SLITRK2: variants seen among roughly 807,000 people sequenced by gnomAD.
SLITRK2 encodes the protein SLIT and NTRK like family member 2, also known as SLIT and NTRK-like protein 2.
SLITRK2 carries 13 observed loss-of-function variants against 35.4 expected under a neutral mutation model. That is an observed-to-expected ratio of 0.37 (90% CI 0.24 to 0.58). SLITRK2 has a LOEUF of 0.58. Ranked by LOEUF, SLITRK2 falls within the 20% of genes least tolerant of loss-of-function variation. The pLI is 0.75. For missense variants in SLITRK2, 471 were observed against 634.3 expected, an observed-to-expected ratio of 0.74 and a Z score of 2.76; for synonymous variants, 294 against 264.7, an observed-to-expected ratio of 1.11 and a Z score of -1.07.
Position 145,829,843 on chromosome X carries a change from A to G in SLITRK2, c.*4880A>G, listed in dbSNP as rs951011746. 1 of 123,442 alleles carries G rather than the reference A, an allele frequency of 8.1e-6. No homozygotes were observed. The highest frequency in any genetic ancestry group is 1.9e-5 in the Non-Finnish European group (1 of 53,316). The allele number at this position is 123,442 out of a possible 1,213,427, so 10.2% of individuals were successfully genotyped here. A position where few individuals can be genotyped will look rare whatever the true frequency, so the allele number is the denominator to read the frequency against. Reference sequence around the variant, plus strand: ...ATAGACTTCTGTGCCTAATAGTGACATTGTTTCAAAAAATAAATGTCATAT... The same window carrying G: ...ATAGACTTCTGTGCCTAATAGTGACGTTGTTTCAAAAAATAAATGTCATAT... On this transcript the variant is annotated 3_prime_UTR_variant, in exon 5 of 5. Coordinates refer to ENST00000335565, the MANE Select transcript of SLITRK2 (RefSeq NM_032539.5).
rs1415433811 is a variant in SLITRK2, at chrX:145,823,976, G to A, written c.1551G>A (p.Gln517=). Residue 517 remains glutamine (Q), a synonymous_variant, in exon 5 of 5, where the codon CAG becomes CAA. Transcript: ENST00000335565. ...TGCCCGTGAAAGGGGTTCTGGATCAGCTCCCGGCTTTCATCCAGATAGATC... is the reference window on the plus strand; with the variant it reads ...TGCCCGTGAAAGGGGTTCTGGATCAACTCCCGGCTTTCATCCAGATAGATC... ...SHLPVKGVLD[Q]LPAFIQIDLQ... 2 of 1,208,983 alleles carry A rather than the reference G, an allele frequency of 1.7e-6. No homozygotes were observed. The highest frequency in any genetic ancestry group is 3.5e-5 in the African/African-American group (2 of 57,069).
rs782079032 is a variant in SLITRK2 at position 145,824,958 on chromosome X, C to T, written c.2533C>T (p.Leu845=). 1 of 1,204,778 alleles carries T rather than the reference C, an allele frequency of 8.3e-7. No homozygotes were observed. Among genetic ancestry groups the T allele is most frequent in the Non-Finnish European group, 1.1e-6 (1 of 892,779 alleles). The change falls in exon 5 of 5, where the codon CTG becomes TTG. Residue 845 remains leucine, a synonymous_variant. Coordinates refer to ENST00000335565, the MANE Select transcript of SLITRK2 (RefSeq NM_032539.5). ...GGAAAAACAAACTGCAATCAGTCAGCTGTGAAGGGAAATCATTTACAACCC... is the reference window on the plus strand; with the variant it reads ...GGAAAAACAAACTGCAATCAGTCAGTTGTGAAGGGAAATCATTTACAACCC... ...VLEKQTAISQ[L] is the part of the protein sequence containing the mutation.
rs913316514 is a variant in SLITRK2 at position 145,826,093 on chromosome X, C to T, written c.*1130C>T. The T allele has an allele frequency of 4.5e-5, 5 of 111,534 alleles. No individual in the cohort carries two copies. The highest frequency in any genetic ancestry group is 1.6e-4 in the African/African-American group (5 of 30,713). 9.2% of individuals were successfully genotyped at this position (111,534 alleles called of 1,213,427 possible). On this transcript the variant is annotated 3_prime_UTR_variant, in exon 5 of 5. Coordinates refer to ENST00000335565, the MANE Select transcript of SLITRK2 (RefSeq NM_032539.5). ...ACACACACCAGTAGAGGCCGCCACA[C>T]ACCTCATTTAACAAAGACATATGAG...
Position 145,823,112 on chromosome X carries a change from C to T in SLITRK2, c.687C>T (p.Ala229=), listed in dbSNP as rs141597700. The change falls in exon 5 of 5, where the codon GCC becomes GCT. Residue 229 remains alanine, a synonymous_variant. Transcript: ENST00000335565. The part of the protein sequence containing the change: ...NCTCDLLPLK[A]WLDTITVFVG... ...CTTGTGACTTACTTCCTCTCAAGGC[C>T]TGGCTAGACACCATAACTGTTTTTG... 8.3e-7 allele frequency: 1 copy of T among 1,209,536 alleles called. No individual in the cohort carries two copies. Among genetic ancestry groups the T allele is most frequent in the East Asian group, 3.0e-5 (1 of 33,736 alleles).
Position 145,823,311 on chromosome X carries a change from A to G in SLITRK2, c.886A>G (p.Thr296Ala). The change falls in exon 5 of 5, where the codon ACC becomes GCC. Residue 296 changes from threonine (T) to alanine (A), a missense_variant. Around this residue, in one of 7 missense-constraint regions of SLITRK2, gnomAD observed 56 missense variants for 48.7 expected, o/e 1.15. Coordinates refer to ENST00000335565, the MANE Select transcript of SLITRK2 (RefSeq NM_032539.5). ...TACAATGAATCCTGCTCTCAACCCA[A>G]CCAGGGCTCCGAAAGCCAGCCGGCC... ...SPTMNPALNP[T>A]RAPKASRPPK... 1 of 1,211,132 alleles carries G rather than the reference A, an allele frequency of 8.3e-7. No homozygotes were observed.
rs2124196605 is a variant in SLITRK2, at chrX:145,824,249, C to G, written c.1824C>G (p.Ser608=). 1 of 1,210,313 alleles carries G rather than the reference C, an allele frequency of 8.3e-7. No individual in the cohort carries two copies. Among genetic ancestry groups the G allele is most frequent in the Non-Finnish European group, 1.1e-6 (1 of 894,385 alleles). Residue 608 remains serine (S), a synonymous_variant, in exon 5 of 5, where the codon TCC becomes TCG. Transcript: ENST00000335565. ...GGTCGCTTAGTGTGTCTCCTAGTTC[C>G]TATCCTGAACTACACACTGAAGTTC... The part of the protein sequence containing the change: ...TPRSLSVSPS[S]YPELHTEVPL...
chrX:145,824,015 C>T lies in SLITRK2; in HGVS notation c.1590C>T (p.Pro530=). ...TCCAGATAGATCTGCAGGAGAACCCCTGGGACTGTACCTGTGACATCATGG... is the reference window on the plus strand; with the variant it reads ...TCCAGATAGATCTGCAGGAGAACCCTTGGGACTGTACCTGTGACATCATGG... ...AFIQIDLQEN[P]WDCTCDIMGL... is the part of the protein sequence containing the mutation. Residue 530 remains proline, a synonymous_variant, in exon 5 of 5, where the codon CCC becomes CCT. Coordinates refer to ENST00000335565, the MANE Select transcript of SLITRK2 (RefSeq NM_032539.5). 5 of 1,209,104 alleles carry T rather than the reference C, an allele frequency of 4.1e-6. No individual in the cohort carries two copies. Among genetic ancestry groups the T allele is most frequent in the Non-Finnish European group, 5.6e-6 (5 of 894,376 alleles).
chrX:145,823,151 C>A lies in SLITRK2; in HGVS notation c.726C>A (p.Val242=), dbSNP rs1193121693. 8.3e-7 allele frequency: 1 copy of A among 1,211,467 alleles called. No individual in the cohort carries two copies. The highest frequency in any genetic ancestry group is 2.2e-5 in the Admixed American group (1 of 46,029). ...DTITVFVGEI[V]CETPFRLHGK... The stretch of plus-strand genomic sequence containing the variant: ...TAACTGTTTTTGTGGGAGAGATTGT[C>A]TGTGAGACTCCCTTTAGGTTGCATG... The change falls in exon 5 of 5, where the codon GTC becomes GTA. Residue 242 remains valine (V), a synonymous_variant. Coordinates refer to ENST00000335565, the MANE Select transcript of SLITRK2 (RefSeq NM_032539.5).
chrX:145,824,730 G>C lies in SLITRK2; in HGVS notation c.2305G>C (p.Ala769Pro), dbSNP rs782605442. ...IAERVKELPS[A>P]GLVHYNFCTL... is the part of the protein sequence containing the mutation. ...TGAGCGAGTCAAGGAACTTCCCAGC[G>C]CAGGCCTAGTCCACTATAACTTTTG... is the stretch of plus-strand genomic sequence containing the variant. Residue 769 changes from alanine (A) to proline (P), a missense_variant, in exon 5 of 5, where the codon GCA becomes CCA. By Grantham distance (27) the Ala-to-Pro change is conservative. Coordinates refer to ENST00000335565, the MANE Select transcript of SLITRK2 (RefSeq NM_032539.5). 1 of 1,211,174 alleles carries C rather than the reference G, an allele frequency of 8.3e-7. No homozygotes were observed. The highest frequency in any genetic ancestry group is 1.1e-6 in the Non-Finnish European group (1 of 895,372).
At position 145,822,792 on chromosome X, in the gene SLITRK2, G is replaced by C. The variant is rs781890860; in HGVS notation, c.367G>C (p.Glu123Gln). The change falls in exon 5 of 5, where the codon GAG (glutamate) becomes CAG (glutamine). Residue 123 changes from glutamate to glutamine, a missense_variant. Coordinates refer to ENST00000335565, the MANE Select transcript of SLITRK2 (RefSeq NM_032539.5). ...ACTGCATCTCAACAACAACAAGCTT[G>C]AGATATTGAGGGAGGACACCTTCCT... ...KRLHLNNNKL[E>Q]ILREDTFLGL... 1 of 1,211,107 alleles carries C rather than the reference G, an allele frequency of 8.3e-7. No individual in the cohort carries two copies. The highest frequency in any genetic ancestry group is 1.7e-5 in the African/African-American group (1 of 57,574).
At position 145,817,935 on chromosome X, in the gene SLITRK2, G is replaced by T. The variant is rs2072913032; in HGVS notation, c.-884G>T. ...CGCGGTGCTCTCGCTCCTGGGCTGC[G>T]CCAGTCCGAGGCGGTGCCGGCTCCT... On this transcript the variant is annotated 5_prime_UTR_variant, in exon 1 of 5. Coordinates refer to ENST00000335565, the MANE Select transcript of SLITRK2 (RefSeq NM_032539.5). 9.1e-6 allele frequency: 1 copy of T among 109,783 alleles called. No homozygotes were observed. The highest frequency in any genetic ancestry group is 3.3e-5 in the African/African-American group (1 of 30,075). 9.0% of individuals were successfully genotyped at this position (109,783 alleles called of 1,213,427 possible).
Position 145,821,794 on chromosome X carries a change from A to G in SLITRK2, c.-283A>G, listed in dbSNP as rs921621083. 2 of 110,857 alleles carry G rather than the reference A, an allele frequency of 1.8e-5. No homozygotes were observed. The highest frequency in any genetic ancestry group is 3.3e-5 in the African/African-American group (1 of 30,419). 9.1% of individuals were successfully genotyped at this position (110,857 alleles called of 1,213,427 possible). On this transcript the variant is annotated 5_prime_UTR_variant, in exon 3 of 5. Coordinates refer to ENST00000335565, the MANE Select transcript of SLITRK2 (RefSeq NM_032539.5). ...AAAGCAGGGCATCCCCCCTGGAAGC[A>G]GCGTCTTATTTTACCTTGTTCTCCC... is the stretch of plus-strand genomic sequence containing the variant.
rs1232702041 is a variant in SLITRK2, at chrX:145,821,101, A to ACT, written c.-729-227_-729-226dup. On this transcript the variant is annotated intron_variant, in intron 2 of 4. Coordinates refer to ENST00000335565, the MANE Select transcript of SLITRK2 (RefSeq NM_032539.5). ...CACACACACACACACACACACACACACTCTCTCTCTCTCTCTCTCTCACTC... is the reference window on the plus strand; with the variant it reads ...CACACACACACACACACACACACACACTCTCTCTCTCTCTCTCTCTCTCACTC... 5.5e-3 allele frequency: 383 copies of ACT among 70,061 alleles called. 1 individual carries two copies. Among genetic ancestry groups the ACT allele is most frequent in the African/African-American group, 0.01 (176 of 17,302 alleles). 5.8% of individuals were successfully genotyped at this position (70,061 alleles called of 1,213,427 possible). A position where few individuals can be genotyped will look rare whatever the true frequency, so the allele number is the denominator to read the frequency against.
Position 145,828,173 on chromosome X carries a change from G to A in SLITRK2, c.*3210G>A, listed in dbSNP as rs1569507674. On this transcript the variant is annotated 3_prime_UTR_variant, in exon 5 of 5. Transcript: ENST00000335565. ...TTTGGTTCTGGACTATGGTCAACCT[G>A]TGTGCCTTGTTAGTTCTCTCCAGCA... The A allele has an allele frequency of 6.9e-6, 3 of 437,897 alleles. No homozygotes were observed. The highest frequency in any genetic ancestry group is 1.1e-5 in the Non-Finnish European group (3 of 266,924). 36.1% of individuals were successfully genotyped at this position (437,897 alleles called of 1,213,427 possible).
At position 145,827,451 on chromosome X, in the gene SLITRK2, A is replaced by G. The variant is rs1477357400; in HGVS notation, c.*2488A>G. 4.2e-5 allele frequency: 11 copies of G among 261,139 alleles called. No homozygotes were observed. The highest frequency in any genetic ancestry group is 3.1e-4 in the African/African-American group (11 of 35,373). The allele number at this position is 261,139 out of a possible 1,213,427, so 21.5% of individuals were successfully genotyped here. ...GTTCATTTTTATTTTTCTGAAAGTA[A>G]AGATACTCCTGTAAAATGCCATTGT... On this transcript the variant is annotated 3_prime_UTR_variant, in exon 5 of 5. Coordinates refer to ENST00000335565, the MANE Select transcript of SLITRK2 (RefSeq NM_032539.5).
rs185074681 is a variant in SLITRK2 at position 145,826,970 on chromosome X, C to T, written c.*2007C>T. 1.1e-4 allele frequency: 12 copies of T among 111,689 alleles called. No individual in the cohort carries two copies. The East Asian group carries it at 1.4e-3, about 13-fold the overall frequency. 9.2% of individuals were successfully genotyped at this position (111,689 alleles called of 1,213,427 possible). A position where few individuals can be genotyped will look rare whatever the true frequency, so the allele number is the denominator to read the frequency against. ...GAAGGTAATTGTGTGTATATAATAACGTAAAGGGCATTGAAGAGAAACATA... is the reference window on the plus strand; with the variant it reads ...GAAGGTAATTGTGTGTATATAATAATGTAAAGGGCATTGAAGAGAAACATA... On this transcript the variant is annotated 3_prime_UTR_variant, in exon 5 of 5. Transcript: ENST00000335565.
rs576488260 is a variant in SLITRK2 at position 145,827,780 on chromosome X, G to A, written c.*2817G>A. 1.7e-6 allele frequency: 2 copies of A among 1,210,699 alleles called. No individual in the cohort carries two copies. Among genetic ancestry groups the A allele is most frequent in the African/African-American group, 3.5e-5 (2 of 57,741 alleles). On this transcript the variant is annotated 3_prime_UTR_variant, in exon 5 of 5. Coordinates refer to ENST00000335565, the MANE Select transcript of SLITRK2 (RefSeq NM_032539.5). ...CATTTTAAGTTTTATTAACTCACTA[G>A]CATCCCCACTGACTATATTCTGTTT...
rs2124225718 is a variant in SLITRK2, at chrX:145,826,631, T to G, written c.*1668T>G. The G allele has an allele frequency of 8.9e-6, 1 of 112,507 alleles. No individual in the cohort carries two copies. 9.3% of individuals were successfully genotyped at this position (112,507 alleles called of 1,213,427 possible). A position where few individuals can be genotyped will look rare whatever the true frequency, so the allele number is the denominator to read the frequency against. On this transcript the variant is annotated 3_prime_UTR_variant, in exon 5 of 5. Transcript: ENST00000335565. ...TTTTGTTTTGTCTATTGTAAATCCTTATGCAACTGGGATGGTGATCTGCAT... is the reference window on the plus strand; with the variant it reads ...TTTTGTTTTGTCTATTGTAAATCCTGATGCAACTGGGATGGTGATCTGCAT...
At chrX:145,821,040 T>C in intron 2 of SLITRK2, 1 of 109,396 alleles carries the variant, frequency 9.1e-6, no homozygotes, top group Non-Finnish European at 1.9e-5. Flanking sequence ...AGCTGGCAAG[T>C]GGGGCACCAG....
Sources: allele counts gnomAD v4.1 joint callset, GRCh38; gene constraint gnomAD v4.1.1; regional missense constraint gnomAD v4.1.1; transcripts MANE v1.5; gene names NCBI Gene and HGNC (gene_info 2026-07-23, HGNC 2026-07-21).